IL4R: variants seen among roughly 807,000 people sequenced by gnomAD.
IL4R encodes interleukin 4 receptor, also known as interleukin-4 receptor subunit alpha.
In IL4R, 17 loss-of-function variants were observed where a neutral mutation model predicts 41.5. That is an observed-to-expected ratio of 0.41 (90% CI 0.28 to 0.61). The LOEUF is 0.61. IL4R is among the 20% of genes least tolerant of loss of function. IL4R has a pLI of 0.31. For missense variants in IL4R, 974 were observed against 1,043.1 expected (o/e 0.93, Z 0.91); for synonymous variants, 402 against 422.9 (o/e 0.95, Z 0.61).
chr16:27,325,870 G>T (rs925536750), intron 1 of IL4R, among the ~76,000 whole-genome samples: 11 of 152,134 alleles, frequency 7.2e-5, no homozygotes, highest in Admixed American at 3.9e-4. Context: ...AAGTCCTGCA[G>T]CTTGCCCAGC....
intron 1 of IL4R, among the ~76,000 whole-genome samples, chr16:27,317,972 C>T (rs1431765121): frequency 8.5e-5 from 13 of 152,198 alleles, no homozygotes; most frequent in Admixed American, 8.5e-4. Flanking sequence ...TGTGCCAGAG[C>T]ATCGGACCAA....
chr16:27,342,116 C>T lies in IL4R; in HGVS notation c.71-5C>T. ...GCCGCTCAGGCTGCTCCTGTGTCTC[C>T]CCAGGGAACATGAAGGTCTTGCAGG... is the stretch of plus-strand genomic sequence containing the variant. On this transcript the variant is annotated splice_polypyrimidine_tract_variant and splice_region_variant and intron_variant, in intron 3 of 10. Coordinates refer to ENST00000395762, the MANE Select transcript of IL4R (RefSeq NM_000418.4). The T allele has an allele frequency of 6.2e-7, 1 of 1,613,930 alleles. No homozygotes were observed. The highest frequency in any genetic ancestry group is 1.1e-5 in the South Asian group (1 of 91,066).
At chr16:27,318,716 C>T (rs1035717006) in intron 1 of IL4R, 3 of 152,266 alleles carry the variant, frequency 2.0e-5, no homozygotes, top group Admixed American at 6.5e-5. Context: ...GGTGCTGTAA[C>T]CTCTCGGCCG....
At chr16:27,332,555 TTC>T (rs1265155290) in intron 2 of IL4R, among the ~76,000 whole-genome samples, 1 of 152,092 alleles carries the variant, frequency 6.6e-6, no homozygotes, top group African/African-American at 2.4e-5. Flanking sequence ...AATTAGTGCC[TTC>T]TCTCTCATTT....
Position 27,363,054 on chromosome 16 carries a change from G to C in IL4R, c.1702G>C (p.Val568Leu). 6.2e-7 allele frequency: 1 copy of C among 1,614,162 alleles called. No individual in the cohort carries two copies. ...VLQHGAAAAP[V>L]SAPTSGYQEF... ...CCAGCATGGGGCAGCTGCAGCCCCC[G>C]TCTCGGCCCCCACCAGTGGCTATCA... The change falls in exon 11 of 11, where the codon GTC becomes CTC. Residue 568 changes from valine (V) to leucine (L), a missense_variant. By Grantham distance (32) the Val-to-Leu change is conservative (BLOSUM62 1). Coordinates refer to ENST00000395762, the MANE Select transcript of IL4R (RefSeq NM_000418.4).
At chr16:27,339,471 A>G (rs1334285247) in intron 2 of IL4R, among the ~76,000 whole-genome samples, 3 of 152,128 alleles carry the variant, frequency 2.0e-5, no homozygotes, top group Non-Finnish European at 2.9e-5. Flanking sequence ...CAACACCTCA[A>G]TCAGATGGGG....
intron 6 of IL4R, among the ~76,000 whole-genome samples, chr16:27,347,860 A>G (rs1223250685): frequency 2.0e-5 from 3 of 152,224 alleles, no homozygotes; most frequent in Non-Finnish European, 4.4e-5. Flanking sequence ...CCACAGGGCT[A>G]TGACAGTACA....
At position 27,342,127 on chromosome 16, in the gene IL4R, T is replaced by C; in HGVS notation, c.77T>C (p.Met26Thr). Residue 26 changes from methionine (M) to threonine (T), a missense_variant, in exon 4 of 11, where the codon ATG becomes ACG. Physicochemically the swap from Met to Thr is moderately conservative, Grantham distance 81. This residue lies in a region of IL4R where 284 missense variants were observed against 313.4 expected (regional missense o/e 0.91). Transcript: ENST00000395762. ...VLLQVASSGNMKVLQEPTCVS... is the reference protein window; with the variant it reads ...VLLQVASSGNTKVLQEPTCVS... ...TGCTCCTGTGTCTCCCCAGGGAACA[T>C]GAAGGTCTTGCAGGAGCCCACCTGC... 1 of 1,614,090 alleles carries C rather than the reference T, an allele frequency of 6.2e-7. No individual in the cohort carries two copies. The highest frequency in any genetic ancestry group is 1.1e-5 in the South Asian group (1 of 91,078).
chr16:27,346,400 CG>C lies in IL4R; in HGVS notation c.362-63del, dbSNP rs1363325984. On this transcript the variant is annotated intron_variant, in intron 5 of 10. Coordinates refer to ENST00000395762, the MANE Select transcript of IL4R (RefSeq NM_000418.4). ...TGGGTGGTGGCTGTGGTTTGTAGGCCGGGGCTGGGCTGGGTGATGGGGGAGT... is the reference window on the plus strand; with the variant it reads ...TGGGTGGTGGCTGTGGTTTGTAGGCCGGGCTGGGCTGGGTGATGGGGGAGT... 26 of 1,558,358 alleles carry C rather than the reference CG, an allele frequency of 1.7e-5. 1 individual carries two copies. In the Admixed American group the frequency reaches 3.3e-4, roughly 20 times the overall value.
chr16:27,354,678 T>C (rs1183160118), intron 7 of IL4R, among the ~76,000 whole-genome samples: 3 of 152,202 alleles, frequency 2.0e-5, no homozygotes, highest in African/African-American at 4.8e-5. Flanking sequence ...AGTTTCCCCA[T>C]CTGTATAATG....
intron 1 of IL4R, among the ~76,000 whole-genome samples, chr16:27,320,709 G>A (rs928748695): frequency 2.0e-5 from 3 of 152,278 alleles, no homozygotes; most frequent in Middle Eastern, 6.8e-3. Flanking sequence ...CTCAGAGAAG[G>A]CCTATGTTTT....
At chr16:27,355,741 C>G in intron 7 of IL4R, 67 bp from the exon 8 acceptor site, 1 of 1,159,388 alleles carries the variant, frequency 8.6e-7, no homozygotes, top group East Asian at 2.3e-5. Context: ...GGTCTCCAGT[C>G]CTGGGAAGTG....
At chr16:27,361,904 G>T (rs2086303074) in intron 10 of IL4R, among the ~76,000 whole-genome samples, 1 of 152,158 alleles carries the variant, frequency 6.6e-6, no homozygotes. Context: ...ACAGGCGTGA[G>T]CCACCGCACC....
At chr16:27,361,741 A>T (rs2086295350) in intron 10 of IL4R, among the ~76,000 whole-genome samples, 1 of 150,598 alleles carries the variant, frequency 6.6e-6, no homozygotes, top group Admixed American at 6.7e-5. Flanking sequence ...AGTAGCTGGG[A>T]CTACAGTCAT....
rs764097618 is a variant in IL4R, at chr16:27,360,794, G to A, written c.878G>A (p.Gly293Asp). 6.2e-7 allele frequency: 1 copy of A among 1,614,146 alleles called. No individual in the cohort carries two copies. The highest frequency in any genetic ancestry group is 1.1e-5 in the South Asian group (1 of 91,074). Residue 293 changes from glycine to aspartate, a missense_variant, in exon 10 of 11, where the codon GGC becomes GAC. Around this residue, in one of 3 missense-constraint regions of IL4R, gnomAD observed 682 missense variants for 704.3 expected, o/e 0.97. Transcript: ENST00000395762. ...QGSQWEKRSR[G>D]QEPAKCPHWK... ...TCACAGTGGGAGAAGCGGTCCCGAG[G>A]CCAGGAACCAGCCAAGTGCCCGTAT...
intron 6 of IL4R, among the ~76,000 whole-genome samples, chr16:27,351,663 C>T (rs1303085397): frequency 1.1e-4 from 17 of 151,964 alleles, no homozygotes; most frequent in African/African-American, 3.1e-4. Flanking sequence ...TACAGGTGCC[C>T]GCCACCACAC....
chr16:27,328,601 C>G (rs1303945571), intron 1 of IL4R, among the ~76,000 whole-genome samples: 1 of 152,178 alleles, frequency 6.6e-6, no homozygotes, highest in Non-Finnish European at 1.5e-5. Flanking sequence ...ACATGCTATG[C>G]CTGTGTCAGG....
chr16:27,363,556 A>G lies in IL4R; in HGVS notation c.2204A>G (p.Gln735Arg), dbSNP rs774309663. 1 of 1,614,148 alleles carries G rather than the reference A, an allele frequency of 6.2e-7. No homozygotes were observed. The highest frequency in any genetic ancestry group is 8.5e-7 in the Non-Finnish European group (1 of 1,180,022). ...KQCHGQEDGG[Q>R]TPVMASPCCG... ...TGTCATGGCCAGGAGGATGGTGGCC[A>G]GACCCCTGTCATGGCCAGTCCTTGC... Residue 735 changes from glutamine (Q) to arginine (R), a missense_variant, in exon 11 of 11, where the codon CAG becomes CGG. This residue lies in a region of IL4R where 682 missense variants were observed against 704.3 expected (regional missense o/e 0.97). Transcript: ENST00000395762.
At chr16:27,354,902 A>C in intron 7 of IL4R, 1 of 409,954 alleles carries the variant, frequency 2.4e-6, no homozygotes, top group Admixed American at 2.5e-5. Context: ...AGAACCCAGC[A>C]CAGAACCAGG....
Sources: gnomAD v4.1 joint callset for allele counts (sites outside exome capture counted in the v4.1 genomes callset) on GRCh38, gnomAD v4.1.1 for gene constraint, gnomAD v4.1.1 regional missense constraint, MANE v1.5 for transcripts, NCBI Gene and HGNC (gene_info 2026-07-23, HGNC 2026-07-21) for gene names.